RNF38: variants seen among roughly 807,000 people sequenced by gnomAD.
RNF38 encodes the protein ring finger protein 38.
Under a neutral mutation model 67.2 loss-of-function variants are expected in RNF38, and 15 were observed. The ratio of observed to expected loss-of-function variants is 0.22; its 90% CI spans 0.15 to 0.34. The LOEUF is 0.34. Among genes scored for constraint, RNF38 ranks in the 10% least tolerant of loss-of-function variants. The probability of loss-of-function intolerance (pLI) is 1.00; values close to 1 mark genes in which losing one functional copy is unlikely to be tolerated. For missense variants in RNF38, 524 were observed against 639.9 expected (o/e 0.82, Z 1.95); for synonymous variants, 220 against 218.8 (o/e 1.01, Z -0.05).
chr9:36,419,459 T>A (rs1838562031), intron 2 of RNF38, among the ~76,000 whole-genome samples: 1 of 152,146 alleles, frequency 6.6e-6, no homozygotes, highest in African/African-American at 2.4e-5. Context: ...CAAATGGCCA[T>A]CCTCCTGGCA....
chr9:36,486,316 T>C (rs556477317), intron 1 of RNF38, among the ~76,000 whole-genome samples: 1 of 152,118 alleles, frequency 6.6e-6, no homozygotes, highest in African/African-American at 2.4e-5. Context: ...ATGTATTACA[T>C]GCCAGGCAGG....
chr9:36,357,219 TCTCTA>T (rs1470039417), intron 5 of RNF38, among the ~76,000 whole-genome samples: 2 of 152,170 alleles, frequency 1.3e-5, no homozygotes, highest in East Asian at 3.8e-4. Flanking sequence ...TTAGTGTGAA[TCTCTA>T]CTCTCCTATA....
intron 11 of RNF38, 82 bp downstream of exon 11, chr9:36,342,243 C>T: frequency 1.0e-6 from 1 of 963,926 alleles, no homozygotes. Flanking sequence ...TTCCTGTCCA[C>T]TGAGCTATGA....
chr9:36,356,532 AG>A, intron 5 of RNF38, 59 bp from the exon 6 acceptor site: 1 of 1,392,302 alleles, frequency 7.2e-7, no homozygotes, highest in Non-Finnish European at 9.7e-7. Context: ...TTAATTTAAA[AG>A]GATAGTGAGA....
intron 4 of RNF38, among the ~76,000 whole-genome samples, chr9:36,359,691 T>C (rs1396537703): frequency 6.6e-6 from 1 of 152,152 alleles, no homozygotes; most frequent in Non-Finnish European, 1.5e-5. Context: ...AGTATTAAGA[T>C]TGTACTAAAT....
intron 1 of RNF38, among the ~76,000 whole-genome samples, chr9:36,478,514 TAA>T (rs751454586): frequency 1.2e-4 from 15 of 125,654 alleles, no homozygotes; most frequent in East Asian, 4.5e-4. Flanking sequence ...TGTAAGTATT[TAA>T]AAAAAAAAAA....
At chr9:36,361,698 G>T (rs1834548789) in intron 4 of RNF38, among the ~76,000 whole-genome samples, 1 of 152,088 alleles carries the variant, frequency 6.6e-6, no homozygotes, top group African/African-American at 2.4e-5. Flanking sequence ...TCATTGTCTG[G>T]TTTTCCCACA....
At chr9:36,396,109 T>C (rs1268647913) in intron 1 of RNF38, among the ~76,000 whole-genome samples, 1 of 152,222 alleles carries the variant, frequency 6.6e-6, no homozygotes, top group African/African-American at 2.4e-5. Flanking sequence ...TTCAGCACAA[T>C]GTCACTAACA....
chr9:36,339,791 G>A lies in RNF38; in HGVS notation c.1509C>T (p.Cys503=). The A allele has an allele frequency of 6.2e-7, 1 of 1,613,144 alleles. No homozygotes were observed. Among genetic ancestry groups the A allele is most frequent in the Middle Eastern group, 1.7e-4 (1 of 6,060 alleles). Residue 503 remains cysteine (C), a synonymous_variant, in exon 12 of 12, where the codon TGC becomes TGT. Transcript: ENST00000259605. Reference sequence around the variant, plus strand: ...GATGCACTTCTGAAGCATCAGCTCGGCAAATTGGGCAAGTACGATTTGCCT... The same window carrying A: ...GATGCACTTCTGAAGCATCAGCTCGACAAATTGGGCAAGTACGATTTGCCT... ...WLKANRTCPI[C]RADASEVHRD...
chr9:36,412,834 A>T (rs1276983194), intron 2 of RNF38, among the ~76,000 whole-genome samples: 1 of 152,000 alleles, frequency 6.6e-6, no homozygotes, highest in African/African-American at 2.4e-5. Context: ...GCACTTTGGG[A>T]GGCCAAGGCG....
At chr9:36,424,526 G>T in intron 2 of RNF38, 1 of 421,714 alleles carries the variant, frequency 2.4e-6, no homozygotes, top group Non-Finnish European at 3.2e-6. Context: ...CACTCTTCTT[G>T]CCCTAGGCCC....
At chr9:36,393,145 A>G (rs937559147) in intron 1 of RNF38, among the ~76,000 whole-genome samples, 2 of 152,182 alleles carry the variant, frequency 1.3e-5, no homozygotes, top group African/African-American at 4.8e-5. Flanking sequence ...GCAGTCTTAC[A>G]AAATTGCTAG....
chr9:36,413,058 G>A (rs1332297690), intron 2 of RNF38, among the ~76,000 whole-genome samples: 1 of 151,758 alleles, frequency 6.6e-6, no homozygotes, highest in Admixed American at 6.6e-5. Context: ...GACAACAAGA[G>A]CGAGAGTCCA....
intron 1 of RNF38, among the ~76,000 whole-genome samples, chr9:36,395,758 A>G (rs924548082): frequency 6.6e-6 from 1 of 152,248 alleles, no homozygotes; most frequent in African/African-American, 2.4e-5. Flanking sequence ...TATGGTCACC[A>G]CAGCACAATA....
At position 36,393,659 on chromosome 9, in the gene RNF38, A is replaced by C. The variant is rs907694078; in HGVS notation, c.13-3043T>G. Among the ~76,000 whole-genome samples, 14 of 152,026 alleles carry C rather than the reference A, an allele frequency of 9.2e-5. 1 individual carries two copies. Among genetic ancestry groups the C allele is most frequent in the Admixed American group, 7.9e-4 (12 of 15,262 alleles). ...TCCCATTATTAGGTTAAATCATATGACAAAGGAGGAAAGACGTTCAGATGT... is the reference window on the plus strand; with the variant it reads ...TCCCATTATTAGGTTAAATCATATGCCAAAGGAGGAAAGACGTTCAGATGT... On this transcript the variant is annotated intron_variant, in intron 1 of 11. Transcript: ENST00000259605.
chr9:36,458,990 A>T (rs974003021), intron 1 of RNF38, among the ~76,000 whole-genome samples: 1 of 152,134 alleles, frequency 6.6e-6, no homozygotes, highest in African/African-American at 2.4e-5. Flanking sequence ...TGGGCAGATC[A>T]CGAGGTCAAG....
upstream of RNF38, among the ~76,000 whole-genome samples, chr9:36,405,580 A>G (rs1199584035): frequency 6.6e-6 from 1 of 152,186 alleles, no homozygotes; most frequent in Non-Finnish European, 1.5e-5. Context: ...CTTGCTTTCT[A>G]TTCTCTAGAA....
chr9:36,386,662 G>C (rs1243168541), intron 2 of RNF38, among the ~76,000 whole-genome samples: 1 of 152,114 alleles, frequency 6.6e-6, no homozygotes, highest in East Asian at 1.9e-4. Context: ...ATATTAACAG[G>C]TTGCAGTAAA....
chr9:36,389,082 C>T (rs895021979), intron 2 of RNF38, among the ~76,000 whole-genome samples: 13 of 151,976 alleles, frequency 8.6e-5, no homozygotes, highest in Non-Finnish European at 1.3e-4. Context: ...TTCTAGATCC[C>T]CCTCCACCCC....
Sources: gnomAD v4.1 joint callset for allele counts (sites outside exome capture counted in the v4.1 genomes callset) on GRCh38, gnomAD v4.1.1 for gene constraint, MANE v1.5 for transcripts, NCBI Gene and HGNC (gene_info 2026-07-23, HGNC 2026-07-21) for gene names.